The following UBR7 variants were observed in gnomAD, a reference collection of about 807,000 sequenced individuals.
The protein encoded by UBR7 is putative E3 ubiquitin-protein ligase UBR7.
A neutral mutation model predicts 57.0 loss-of-function variants in UBR7; 22 were observed. The observed-to-expected ratio is 0.39, with a 90% CI of 0.28 to 0.55. The LOEUF (loss-of-function observed/expected upper bound fraction) is 0.55, where lower values mean the gene tolerates loss of function less well. UBR7 is among the 20% of genes least tolerant of loss of function. The probability of loss-of-function intolerance (pLI) is 0.69; values close to 1 mark genes in which losing one functional copy is unlikely to be tolerated. For missense variants in UBR7, 395 were observed against 513.2 expected, an observed-to-expected ratio of 0.77 and a Z score of 2.23; for synonymous variants, 167 against 179.8, an observed-to-expected ratio of 0.93 and a Z score of 0.57.
rs200443224 is a variant in UBR7 at position 93,207,483 on chromosome 14, G to A, written c.150+42G>A. On this transcript the variant is annotated intron_variant, in intron 1 of 10. Coordinates refer to ENST00000013070, the MANE Select transcript of UBR7 (RefSeq NM_175748.4). Reference sequence around the variant, plus strand: ...GGCCTCCTCTCCCCCGGCTCCCGCCGAACCTCCCCTTCCCGGCCCGGCTGT... The same window carrying A: ...GGCCTCCTCTCCCCCGGCTCCCGCCAAACCTCCCCTTCCCGGCCCGGCTGT... 4.6e-6 allele frequency: 7 copies of A among 1,508,750 alleles called. No individual in the cohort carries two copies. The East Asian group carries it at 1.2e-4, about 26-fold the overall frequency. The allele number at this position is 1,508,750 out of a possible 1,614,324, so 93.5% of individuals were successfully genotyped here.
chr14:93,219,091 G>T (rs1595268442), intron 7 of UBR7, 121 bp from the exon 8 acceptor site: 1 of 1,181,394 alleles, frequency 8.5e-7, no homozygotes, highest in Non-Finnish European at 1.2e-6. Context: ...AATTAATTCT[G>T]TAAACTTATG....
intron 6 of UBR7, among the ~76,000 whole-genome samples, chr14:93,218,109 A>T (rs550263410): frequency 6.7e-6 from 1 of 149,912 alleles, no homozygotes; most frequent in South Asian, 2.1e-4. Flanking sequence ...AAAAAAAAAA[A>T]ATAGCAAAAG....
At position 93,227,685 on chromosome 14, in the gene UBR7, G is replaced by A. The variant is rs1210230976; in HGVS notation, c.*650G>A. The A allele has an allele frequency of 1.4e-6, 1 of 700,874 alleles. No individual in the cohort carries two copies. The highest frequency in any genetic ancestry group is 2.0e-5 in the Admixed American group (1 of 50,008). 43.4% of individuals were successfully genotyped at this position (700,874 alleles called of 1,614,324 possible). On this transcript the variant is annotated 3_prime_UTR_variant, in exon 11 of 11. Transcript: ENST00000013070. ...GAGATTAACAGATGACAGGGTTGAG[G>A]AAGCAAGCCTTTGTTATGAATTTTA... is the stretch of plus-strand genomic sequence containing the variant.
Position 93,223,917 on chromosome 14 carries a change from G to A in UBR7, c.1185+1543G>A, listed in dbSNP as rs75722138. On this transcript the variant is annotated intron_variant, in intron 10 of 10. Coordinates refer to ENST00000013070, the MANE Select transcript of UBR7 (RefSeq NM_175748.4). Reference sequence around the variant, plus strand: ...AGCCAGATGCCGAAGTTCTTGACCCGCGGTGGGGACTTCTCAAACACCTGC... The same window carrying A: ...AGCCAGATGCCGAAGTTCTTGACCCACGGTGGGGACTTCTCAAACACCTGC... 13,305 of 724,276 alleles carry A rather than the reference G, an allele frequency of 0.018. 1,130 individuals carry two copies. In the African/African-American group the frequency reaches 0.19, roughly 11 times the overall value. 44.9% of individuals were successfully genotyped at this position (724,276 alleles called of 1,614,324 possible). A position where few individuals can be genotyped will look rare whatever the true frequency, so the allele number is the denominator to read the frequency against.
chr14:93,208,465 T>TA (rs202105336), intron 1 of UBR7, among the ~76,000 whole-genome samples: 18,970 of 141,216 alleles, frequency 0.13, 1,408 homozygotes, highest in African/African-American at 0.22. Context: ...CTGCTTTACT[T>TA]AAAAAAAAAA....
At chr14:93,222,445 T>G in intron 10 of UBR7, 71 bp downstream of exon 10, 3 of 1,220,656 alleles carry the variant, frequency 2.5e-6, no homozygotes, top group Non-Finnish European at 2.4e-6. Context: ...CCTTTGACGA[T>G]TAAAAATGAC....
intron 1 of UBR7, among the ~76,000 whole-genome samples, 172 bp from the exon 2 acceptor site, chr14:93,209,652 C>T (rs532233205): frequency 6.6e-6 from 1 of 152,314 alleles, no homozygotes; most frequent in Non-Finnish European, 1.5e-5. Context: ...ACTTGCAACG[C>T]AACTGTGTTT....
chr14:93,226,792 CAAAAA>C (rs55907535), intron 10 of UBR7, 146 bp from the exon 11 acceptor site: 335 of 346,898 alleles, frequency 9.7e-4, no homozygotes, highest in East Asian at 1.5e-3. Context: ...CACTCCATCT[CAAAAA>C]AAAAAAAAAA....
At chr14:93,217,311 G>A (rs942509951) in intron 6 of UBR7, among the ~76,000 whole-genome samples, 3 of 152,194 alleles carry the variant, frequency 2.0e-5, no homozygotes, top group African/African-American at 4.8e-5. Flanking sequence ...ACAGGTGTGA[G>A]CTACCATACC....
chr14:93,217,480 C>G (rs1894614085), intron 6 of UBR7, among the ~76,000 whole-genome samples: 1 of 152,154 alleles, frequency 6.6e-6, no homozygotes, highest in African/African-American at 2.4e-5. Flanking sequence ...TGCCACTACA[C>G]CCATCATTTT....
Position 93,218,729 on chromosome 14 carries a change from T to TC in UBR7, c.805dup (p.Leu269ProfsTer6), listed in dbSNP as rs751917769. On this transcript the variant is annotated frameshift_variant, in exon 7 of 11. Transcript: ENST00000013070. LOFTEE classifies it high-confidence loss of function. ...GTGCCGGCTCTAGTTCTGAATCTGA[T>TC]CTCCAGGTAATGTGTGAAGTACGAG... 6.2e-7 allele frequency: 1 copy of TC among 1,612,992 alleles called. No homozygotes were observed. Among genetic ancestry groups the TC allele is most frequent in the African/African-American group, 1.3e-5 (1 of 74,824 alleles).
intron 10 of UBR7, among the ~76,000 whole-genome samples, chr14:93,222,884 G>T (rs1344117164): frequency 6.6e-6 from 1 of 152,174 alleles, no homozygotes; most frequent in South Asian, 2.1e-4. Flanking sequence ...ACCAACCCCA[G>T]CTAAGCCGGG....
In UBR7 at chr14:93,227,142, T is replaced by G. The variant is rs149097119; in HGVS notation, c.*107T>G. The G allele has an allele frequency of 1.2e-3, 988 of 821,056 alleles. 4 individuals carry two copies. The highest frequency in any genetic ancestry group is 6.4e-3 in the African/African-American group (376 of 58,462). The allele number at this position is 821,056 out of a possible 1,614,324, so 50.9% of individuals were successfully genotyped here. ...GGCCCCCTTTCCGTCCTCCTCTGTTTGGAGAGGCCTCGCGCTCCCTTCATT... is the reference window on the plus strand; with the variant it reads ...GGCCCCCTTTCCGTCCTCCTCTGTTGGGAGAGGCCTCGCGCTCCCTTCATT... On this transcript the variant is annotated 3_prime_UTR_variant, in exon 11 of 11. Coordinates refer to ENST00000013070, the MANE Select transcript of UBR7 (RefSeq NM_175748.4).
intron 10 of UBR7, 114 bp from the exon 11 acceptor site, chr14:93,226,829 T>G (rs11160108): frequency 0.57 from 335,554 of 592,814 alleles, 98,981 homozygotes; most frequent in African/African-American, 0.63. Flanking sequence ...AATGGAGATG[T>G]TATCATTAAC....
In UBR7 at chr14:93,219,200, AT is replaced by A. The variant is rs1359205261; in HGVS notation, c.811-8del. On this transcript the variant is annotated splice_polypyrimidine_tract_variant and intron_variant, in intron 7 of 10. Coordinates refer to ENST00000013070, the MANE Select transcript of UBR7 (RefSeq NM_175748.4). Reference sequence around the variant, plus strand: ...TTTAAAAAACATGCTTCAAAACTTAATTTTATTTCAGACAGTGTTTAAGAAT... The same window carrying A: ...TTTAAAAAACATGCTTCAAAACTTAATTTATTTCAGACAGTGTTTAAGAAT... 1 of 1,613,924 alleles carries A rather than the reference AT, an allele frequency of 6.2e-7. No individual in the cohort carries two copies. The highest frequency in any genetic ancestry group is 1.1e-5 in the South Asian group (1 of 91,036).
chr14:93,207,616 C>T (rs923594477), intron 1 of UBR7, among the ~76,000 whole-genome samples, 175 bp downstream of exon 1: 3 of 152,214 alleles, frequency 2.0e-5, no homozygotes, highest in African/African-American at 4.8e-5. Context: ...CCCCAACCTC[C>T]TGGGCCCCCT....
At chr14:93,221,055 C>T (rs2140105432) in intron 9 of UBR7, among the ~76,000 whole-genome samples, 1 of 152,168 alleles carries the variant, frequency 6.6e-6, no homozygotes, top group East Asian at 1.9e-4. Context: ...AAGTGATTCT[C>T]CTGCCTCAGT....
At chr14:93,223,137 C>T (rs1894745347) in intron 10 of UBR7, among the ~76,000 whole-genome samples, 1 of 152,136 alleles carries the variant, frequency 6.6e-6, no homozygotes, top group Non-Finnish European at 1.5e-5. Context: ...GTGGCTCACG[C>T]CTTAATCCCA....
At chr14:93,210,560 G>A in intron 2 of UBR7, 88 bp from the exon 3 acceptor site, 2 of 1,117,262 alleles carry the variant, frequency 1.8e-6, no homozygotes, top group Non-Finnish European at 2.6e-6. Flanking sequence ...GAATTGTGAA[G>A]TCTTACTATG....
Sources: allele counts gnomAD v4.1 joint callset (sites outside exome capture counted in the v4.1 genomes callset), GRCh38; gene constraint gnomAD v4.1.1; transcripts MANE v1.5; gene names NCBI Gene and HGNC (gene_info 2026-07-23, HGNC 2026-07-21).